Variants in TNFAIP6 observed in about 807,000 individuals in gnomAD.
The protein encoded by TNFAIP6 is TNF alpha induced protein 6, also known as tumor necrosis factor-inducible gene 6 protein.
In TNFAIP6, 36 loss-of-function variants were observed where a neutral mutation model predicts 33.7. The observed-to-expected ratio is 1.07, with a 90% CI of 0.82 to 1.41. The LOEUF (loss-of-function observed/expected upper bound fraction) is 1.41. Ranked by LOEUF, TNFAIP6 falls within the 40% of genes most tolerant of loss-of-function variation. TNFAIP6 has a pLI of 0.00. For missense variants in TNFAIP6, 273 were observed against 331.9 expected, an observed-to-expected ratio of 0.82 and a Z score of 1.38; for synonymous variants, 113 against 112.8, an observed-to-expected ratio of 1.00 and a Z score of -0.01.
intron 4 of TNFAIP6, 132 bp from the exon 5 acceptor site, chr2:151,373,417 A>G (rs1684848685): frequency 4.5e-6 from 2 of 443,638 alleles, no homozygotes; most frequent in Non-Finnish European, 8.1e-6. Flanking sequence ...TCCAGGTAAA[A>G]TAACAATAGA....
At chr2:151,364,205 A>T in intron 2 of TNFAIP6, 125 bp downstream of exon 2, 2 of 1,215,824 alleles carry the variant, frequency 1.6e-6, no homozygotes, top group Non-Finnish European at 2.3e-6. Flanking sequence ...CCCCTAGGAC[A>T]TTTCTGCTCT....
At chr2:151,376,026 A>T (rs2152018675) in intron 5 of TNFAIP6, among the ~76,000 whole-genome samples, 2 of 152,266 alleles carry the variant, frequency 1.3e-5, no homozygotes, top group Admixed American at 1.3e-4. Flanking sequence ...CGGGTGGATC[A>T]CTTAAGATCA....
intron 5 of TNFAIP6, among the ~76,000 whole-genome samples, chr2:151,377,927 C>G (rs1684944312): frequency 6.6e-6 from 1 of 152,092 alleles, no homozygotes; most frequent in African/African-American, 2.4e-5. Flanking sequence ...TGGCTTTGGG[C>G]AAGCTACTTA....
At chr2:151,368,645 G>A (rs1194695884) in intron 3 of TNFAIP6, among the ~76,000 whole-genome samples, 5 of 151,774 alleles carry the variant, frequency 3.3e-5, no homozygotes, top group African/African-American at 1.2e-4. Context: ...TAAAATATTA[G>A]GATTAGGGTA....
At chr2:151,359,435 C>G (rs1437216408) in intron 1 of TNFAIP6, among the ~76,000 whole-genome samples, 1 of 149,108 alleles carries the variant, frequency 6.7e-6, no homozygotes, top group Non-Finnish European at 1.5e-5. Context: ...GTTGCCCACG[C>G]TGGAGTGCAG....
At position 151,379,676 on chromosome 2, in the gene TNFAIP6, T is replaced by G. The variant is rs182393202; in HGVS notation, c.*143T>G. On this transcript the variant is annotated 3_prime_UTR_variant, in exon 6 of 6. Transcript: ENST00000243347. Reference sequence around the variant, plus strand: ...ACATAATTTAGGGAAAATTGGAAAATATAGGAAACTTTAAACGAGAAAATG... The same window carrying G: ...ACATAATTTAGGGAAAATTGGAAAAGATAGGAAACTTTAAACGAGAAAATG... The G allele has an allele frequency of 6.7e-6, 4 of 597,600 alleles. No individual in the cohort carries two copies. The Admixed American group carries it at 1.6e-4, about 24-fold the overall frequency. The allele number at this position is 597,600 out of a possible 1,614,324, so 37.0% of individuals were successfully genotyped here.
chr2:151,361,797 C>T (rs1684628461), intron 1 of TNFAIP6, among the ~76,000 whole-genome samples: 1 of 152,144 alleles, frequency 6.6e-6, no homozygotes, highest in Non-Finnish European at 1.5e-5. Context: ...CACTGGGCAG[C>T]AGGCATCTTT....
intron 2 of TNFAIP6, among the ~76,000 whole-genome samples, 161 bp from the exon 3 acceptor site, chr2:151,365,895 C>T (rs1331102511): frequency 1.3e-5 from 2 of 152,052 alleles, no homozygotes; most frequent in Non-Finnish European, 1.5e-5. Flanking sequence ...CATGTGTATT[C>T]ACACTTTGTC....
intron 3 of TNFAIP6, among the ~76,000 whole-genome samples, chr2:151,369,731 G>C (rs1684779105): frequency 6.6e-6 from 1 of 151,784 alleles, no homozygotes; most frequent in African/African-American, 2.4e-5. Flanking sequence ...GCTATGATTG[G>C]GTCACCGCAC....
chr2:151,365,454 C>A (rs777097106), intron 2 of TNFAIP6, among the ~76,000 whole-genome samples: 51 of 152,060 alleles, frequency 3.4e-4, no homozygotes, highest in Non-Finnish European at 5.0e-4. Flanking sequence ...GTCTGGCCAA[C>A]ATGGAGAAAC....
chr2:151,375,322 CA>C (rs898669019), intron 5 of TNFAIP6, among the ~76,000 whole-genome samples: 9 of 150,040 alleles, frequency 6.0e-5, no homozygotes, highest in Non-Finnish European at 1.3e-4. Context: ...ATAGTTAAAA[CA>C]AAAAAGCCAA....
chr2:151,366,114 G>A lies in TNFAIP6; in HGVS notation c.291G>A (p.Val97=), dbSNP rs760621569. ...MAKGRVGYPI[V]KPGPNCGFGK... ...AGGGCAGAGTTGGATACCCCATTGTGAAGCCAGGGCCCAACTGTGGATTTG... is the reference window on the plus strand; with the variant it reads ...AGGGCAGAGTTGGATACCCCATTGTAAAGCCAGGGCCCAACTGTGGATTTG... The change falls in exon 3 of 6, where the codon GTG becomes GTA. Residue 97 remains valine (V), a synonymous_variant. Transcript: ENST00000243347. The A allele has an allele frequency of 6.2e-7, 1 of 1,614,124 alleles. No homozygotes were observed. The highest frequency in any genetic ancestry group is 1.3e-5 in the African/African-American group (1 of 75,030).
At chr2:151,369,990 GT>G in intron 3 of TNFAIP6, 29 bp from the exon 4 acceptor site, 1 of 1,535,362 alleles carries the variant, frequency 6.5e-7, no homozygotes, top group South Asian at 1.2e-5. Context: ...ATGCTTTGGG[GT>G]TTTTACGTTT....
At chr2:151,365,902 TG>T (rs1361138666) in intron 2 of TNFAIP6, among the ~76,000 whole-genome samples, 153 bp from the exon 3 acceptor site, 3 of 152,236 alleles carry the variant, frequency 2.0e-5, no homozygotes, top group African/African-American at 7.2e-5. Context: ...ATTCACACTT[TG>T]TCTAATTAAG....
intron 5 of TNFAIP6, among the ~76,000 whole-genome samples, chr2:151,375,928 G>A (rs1227934213): frequency 6.6e-6 from 1 of 152,122 alleles, no homozygotes; most frequent in Non-Finnish European, 1.5e-5. Flanking sequence ...TGGGCAACAT[G>A]ATGCAACCCT....
chr2:151,364,339 T>G (rs374630357), intron 2 of TNFAIP6, among the ~76,000 whole-genome samples: 3 of 152,350 alleles, frequency 2.0e-5, no homozygotes, highest in Admixed American at 1.3e-4. Context: ...AACCTCATTA[T>G]TTCAATATTA....
chr2:151,377,324 C>T (rs945951400), intron 5 of TNFAIP6, among the ~76,000 whole-genome samples: 3 of 152,068 alleles, frequency 2.0e-5, no homozygotes, highest in South Asian at 2.1e-4. Flanking sequence ...CACCCGCCAC[C>T]ACGCCTGGCT....
chr2:151,367,335 G>A (rs1684730315), intron 3 of TNFAIP6, among the ~76,000 whole-genome samples: 1 of 151,976 alleles, frequency 6.6e-6, no homozygotes, highest in Non-Finnish European at 1.5e-5. Flanking sequence ...AGCTTATTTA[G>A]TCCTATACTA....
chr2:151,376,011 C>T (rs577130160), intron 5 of TNFAIP6, among the ~76,000 whole-genome samples: 47 of 152,034 alleles, frequency 3.1e-4, no homozygotes, highest in Non-Finnish European at 5.7e-4. Flanking sequence ...TTTGTGAGGC[C>T]AAGGCGGGTG....
Sources: gnomAD v4.1 joint callset for allele counts (sites outside exome capture counted in the v4.1 genomes callset) on GRCh38, gnomAD v4.1.1 for gene constraint, MANE v1.5 for transcripts, NCBI Gene and HGNC (gene_info 2026-07-23, HGNC 2026-07-21) for gene names.